PDGFD: variants seen among roughly 807,000 people sequenced by gnomAD.
PDGFD encodes platelet derived growth factor D, also known as platelet-derived growth factor D.
A neutral mutation model predicts 44.7 loss-of-function variants in PDGFD; 30 were observed. The observed-to-expected ratio is 0.67, with a 90% CI of 0.50 to 0.91. The LOEUF (loss-of-function observed/expected upper bound fraction) is 0.91, where lower values mean the gene tolerates loss of function less well. Among genes scored for constraint, PDGFD ranks in the 40% least tolerant of loss-of-function variants. The probability of loss-of-function intolerance (pLI) is 0.00; values close to 1 mark genes in which losing one functional copy is unlikely to be tolerated. For missense variants in PDGFD, 445 were observed against 457.8 expected (o/e 0.97, Z 0.25); for synonymous variants, 173 against 168.4 (o/e 1.03, Z -0.21).
At chr11:104,084,172 C>T (rs562665157) in intron 1 of PDGFD, among the ~76,000 whole-genome samples, 1 of 152,260 alleles carries the variant, frequency 6.6e-6, no homozygotes, top group South Asian at 2.1e-4. Flanking sequence ...AGAGAAGATG[C>T]CTGCACTTAT....
chr11:103,947,872 G>C (rs538107498), intron 3 of PDGFD, 148 bp from the exon 4 acceptor site: 1 of 665,312 alleles, frequency 1.5e-6, no homozygotes, highest in South Asian at 1.6e-5. Flanking sequence ...GTCACCATTT[G>C]TCTTAAGCAC....
At position 103,909,003 on chromosome 11, in the gene PDGFD, A is replaced by G. The variant is rs1394065811; in HGVS notation, c.*691T>C. Reference sequence around the variant, plus strand: ...TGCCTCAGCAAAATGCATAAAAAACACAATGATTTAATTTCTAAAGCACTT... The same window carrying G: ...TGCCTCAGCAAAATGCATAAAAAACGCAATGATTTAATTTCTAAAGCACTT... On this transcript the variant is annotated 3_prime_UTR_variant, in exon 7 of 7. Transcript: ENST00000393158. 1 of 152,242 alleles carries G rather than the reference A, an allele frequency of 6.6e-6. No homozygotes were observed. Among genetic ancestry groups the G allele is most frequent in the Admixed American group, 6.5e-5 (1 of 15,284 alleles). 9.4% of individuals were successfully genotyped at this position (152,242 alleles called of 1,614,324 possible).
intron 3 of PDGFD, among the ~76,000 whole-genome samples, chr11:103,974,846 T>C (rs997886154): frequency 5.3e-5 from 8 of 152,216 alleles, no homozygotes; most frequent in Non-Finnish European, 1.0e-4. Context: ...TATGGCTGCA[T>C]AGTACTCCAT....
chr11:103,991,948 C>T (rs17101814), intron 3 of PDGFD, among the ~76,000 whole-genome samples: 7,316 of 152,196 alleles, frequency 0.048, 259 homozygotes, highest in African/African-American at 0.098. Context: ...CCGGGGGGAG[C>T]CTTGTAATTG....
At chr11:103,982,660 GA>G (rs1859289408) in intron 3 of PDGFD, among the ~76,000 whole-genome samples, 1 of 151,694 alleles carries the variant, frequency 6.6e-6, no homozygotes, top group South Asian at 2.1e-4. Flanking sequence ...CCTATATCTA[GA>G]AAACCCCATC....
intron 1 of PDGFD, among the ~76,000 whole-genome samples, chr11:104,118,733 T>A (rs984490894): frequency 4.6e-4 from 55 of 118,962 alleles, no homozygotes; most frequent in African/African-American, 8.3e-4. Flanking sequence ...TATTAATATA[T>A]TAATATATAT....
At position 103,977,161 on chromosome 11, in the gene PDGFD, T is replaced by C. The variant is rs146093236; in HGVS notation, c.510+18904A>G. Among the ~76,000 whole-genome samples, 9 of 152,214 alleles carry C rather than the reference T, an allele frequency of 5.9e-5. No homozygotes were observed. In the East Asian group the frequency reaches 1.7e-3, roughly 29 times the overall value. ...ACCAGGAAGAAGTCAAATCCCTGAATAGACCAATAACAAGTTCTGAAATTG... is the reference window on the plus strand; with the variant it reads ...ACCAGGAAGAAGTCAAATCCCTGAACAGACCAATAACAAGTTCTGAAATTG... On this transcript the variant is annotated intron_variant, in intron 3 of 6. Coordinates refer to ENST00000393158, the MANE Select transcript of PDGFD (RefSeq NM_025208.5).
At chr11:103,984,965 ATATT>A (rs1859334373) in intron 3 of PDGFD, among the ~76,000 whole-genome samples, 2 of 131,798 alleles carry the variant, frequency 1.5e-5, no homozygotes, top group South Asian at 2.4e-4. Context: ...TAATATAGTT[ATATT>A]TATTTAATAT....
rs148442197 is a variant in PDGFD, at chr11:104,115,452, G to T, written c.124+48352C>A. 3.0e-3 allele frequency among the ~76,000 whole-genome samples: 456 copies of T among 151,682 alleles called. 1 individual carries two copies. Among genetic ancestry groups the T allele is most frequent in the African/African-American group, 0.011 (444 of 41,406 alleles). ...CTATATATAATTGATGGACATTTGG[G>T]TTTGTTACATGATTTTGCAATTGCT... is the stretch of plus-strand genomic sequence containing the variant. On this transcript the variant is annotated intron_variant, in intron 1 of 6. Coordinates refer to ENST00000393158, the MANE Select transcript of PDGFD (RefSeq NM_025208.5).
intron 3 of PDGFD, among the ~76,000 whole-genome samples, chr11:103,954,774 G>C (rs1858811627): frequency 6.6e-6 from 1 of 152,088 alleles, no homozygotes; most frequent in Non-Finnish European, 1.5e-5. Flanking sequence ...TTAATGCTTA[G>C]AGCTTTTGAA....
At chr11:104,004,005 C>T (rs796520958) in intron 1 of PDGFD, among the ~76,000 whole-genome samples, 6 of 152,144 alleles carry the variant, frequency 3.9e-5, no homozygotes, top group African/African-American at 7.2e-5. Flanking sequence ...GGACAATAGA[C>T]GGAGAAAAGA....
In PDGFD at chr11:104,157,417, A is replaced by T. The variant is rs528877221; in HGVS notation, c.124+6387T>A. 2.0e-5 allele frequency among the ~76,000 whole-genome samples: 3 copies of T among 152,272 alleles called. No homozygotes were observed. In the East Asian group the frequency reaches 5.8e-4, roughly 29 times the overall value. On this transcript the variant is annotated intron_variant, in intron 1 of 6. Coordinates refer to ENST00000393158, the MANE Select transcript of PDGFD (RefSeq NM_025208.5). ...CAGAATGGGCCACGTCTCTGTCTAA[A>T]TTACACCTTTCAATGGCTTACCACA...
intron 2 of PDGFD, among the ~76,000 whole-genome samples, chr11:103,998,698 G>A (rs1174013783): frequency 6.6e-6 from 1 of 152,188 alleles, no homozygotes; most frequent in Non-Finnish European, 1.5e-5. Context: ...AGAAGTAGGA[G>A]AGGCTTGGAA....
intron 1 of PDGFD, among the ~76,000 whole-genome samples, chr11:104,157,569 A>T (rs1191791385): frequency 6.6e-6 from 1 of 151,974 alleles, no homozygotes; most frequent in Non-Finnish European, 1.5e-5. Context: ...TCTCCCTCTC[A>T]CTGCACCCAA....
intron 3 of PDGFD, among the ~76,000 whole-genome samples, chr11:103,958,250 C>G (rs1008126587): frequency 1.3e-5 from 2 of 152,114 alleles, no homozygotes; most frequent in East Asian, 1.9e-4. Context: ...TACCTGAAAC[C>G]GTGGCTGAGT....
chr11:104,161,490 C>T (rs927567300), intron 1 of PDGFD, among the ~76,000 whole-genome samples: 3 of 152,150 alleles, frequency 2.0e-5, no homozygotes, highest in Non-Finnish European at 2.9e-5. Context: ...TTTCATAGCC[C>T]CATTATTCTT....
chr11:103,991,311 C>T (rs1859448310), intron 3 of PDGFD, among the ~76,000 whole-genome samples: 1 of 151,956 alleles, frequency 6.6e-6, no homozygotes, highest in African/African-American at 2.4e-5. Context: ...GGCTGTTCTC[C>T]TCCTCTCTTC....
Position 104,118,881 on chromosome 11 carries a change from A to C in PDGFD, c.124+44923T>G, listed in dbSNP as rs1333763604. ...TAATATATTATATATTAATATACATATATATTATTATGTATAATATTAAGT... is the reference window on the plus strand; with the variant it reads ...TAATATATTATATATTAATATACATCTATATTATTATGTATAATATTAAGT... On this transcript the variant is annotated intron_variant, in intron 1 of 6. Transcript: ENST00000393158. Among the ~76,000 whole-genome samples, 45 of 95,222 alleles carry C rather than the reference A, an allele frequency of 4.7e-4. 1 individual carries two copies. The highest frequency in any genetic ancestry group is 0.013 in the Middle Eastern group (2 of 150). 62.5% of individuals were successfully genotyped at this position (95,222 alleles called of 152,430 possible).
intron 1 of PDGFD, among the ~76,000 whole-genome samples, chr11:104,106,290 A>G (rs1454014312): frequency 1.3e-5 from 2 of 152,202 alleles, no homozygotes; most frequent in African/African-American, 4.8e-5. Context: ...AATTGATAGC[A>G]TATGTTCACA....
Sources: allele counts gnomAD v4.1 joint callset (sites outside exome capture counted in the v4.1 genomes callset), GRCh38; gene constraint gnomAD v4.1.1; transcripts MANE v1.5; gene names NCBI Gene and HGNC (gene_info 2026-07-23, HGNC 2026-07-21).